Variants in MBNL2 observed in about 807,000 individuals in gnomAD.
MBNL2 encodes the protein muscleblind like splicing regulator 2, also known as muscleblind-like protein 2.
A neutral mutation model predicts 41.9 loss-of-function variants in MBNL2; 17 were observed. That is an observed-to-expected ratio of 0.41 (90% CI 0.28 to 0.61). The LOEUF (loss-of-function observed/expected upper bound fraction) is 0.61. Among genes scored for constraint, MBNL2 ranks in the 20% least tolerant of loss-of-function variants. MBNL2 has a pLI of 0.35. For synonymous variants in MBNL2, 195 were observed against 182.9 expected (o/e 1.07, Z -0.53); for missense variants, 336 against 505.6 (o/e 0.66, Z 3.22).
chr13:97,178,625 A>G, the MBNL2 span, among the ~76,000 whole-genome samples: 2 of 152,180 alleles, frequency 1.3e-5, no homozygotes, highest in Non-Finnish European at 2.9e-5. Context: ...GCCAGGCACA[A>G]TAGCTCACAC....
At chr13:97,252,307 T>A (rs760994681) in intron 1 of MBNL2, among the ~76,000 whole-genome samples, 1 of 152,212 alleles carries the variant, frequency 6.6e-6, no homozygotes, top group Non-Finnish European at 1.5e-5. Flanking sequence ...TCCCATAAAT[T>A]GTGATTCTTT....
At chr13:97,315,316 A>T (rs1254323582) in intron 2 of MBNL2, among the ~76,000 whole-genome samples, 3 of 152,228 alleles carry the variant, frequency 2.0e-5, no homozygotes, top group African/African-American at 7.2e-5. Context: ...TGGCTTTTGA[A>T]ATCTGTGTCT....
At chr13:97,358,350 C>T (rs1566439422) in intron 7 of MBNL2, among the ~76,000 whole-genome samples, 1 of 152,042 alleles carries the variant, frequency 6.6e-6, no homozygotes. Context: ...TTCCAAGGTG[C>T]CACAACTAAT....
At chr13:97,331,533 G>A (rs1033907884) in intron 2 of MBNL2, among the ~76,000 whole-genome samples, 3 of 152,110 alleles carry the variant, frequency 2.0e-5, no homozygotes, top group African/African-American at 7.2e-5. Flanking sequence ...TATCCTCCCT[G>A]GATTTTAACT....
chr13:97,281,271 C>A (rs146550546), intron 2 of MBNL2, among the ~76,000 whole-genome samples: 2 of 152,124 alleles, frequency 1.3e-5, no homozygotes, highest in African/African-American at 4.8e-5. Context: ...ATTGACACCC[C>A]CTGGAGTTGT....
chr13:97,159,524 G>A, the MBNL2 span, among the ~76,000 whole-genome samples: 15,396 of 152,064 alleles, frequency 0.1, 869 homozygotes, highest in South Asian at 0.15. Context: ...TGATTTTGCA[G>A]TGGCTGGTAC....
intron 2 of MBNL2, among the ~76,000 whole-genome samples, chr13:97,278,057 C>T (rs1438897768): frequency 6.6e-6 from 1 of 151,730 alleles, no homozygotes; most frequent in African/African-American, 2.4e-5. Context: ...GGTTTGAGAC[C>T]AGCCTGGCCA....
At chr13:97,160,379 G>A in the MBNL2 span, among the ~76,000 whole-genome samples, 2 of 152,154 alleles carry the variant, frequency 1.3e-5, no homozygotes, top group Non-Finnish European at 2.9e-5. Flanking sequence ...TTTGCTGCAA[G>A]TTAAGTATAA....
the MBNL2 span, among the ~76,000 whole-genome samples, chr13:97,167,219 C>A: frequency 6.6e-6 from 1 of 151,932 alleles, no homozygotes; most frequent in Non-Finnish European, 1.5e-5. Context: ...AGGCCAAAAC[C>A]AAAATAGCAA....
chr13:97,271,936 T>C (rs570017780), intron 1 of MBNL2, among the ~76,000 whole-genome samples: 35 of 152,354 alleles, frequency 2.3e-4, no homozygotes, highest in South Asian at 2.1e-3. Flanking sequence ...TGGGTATATA[T>C]ACCCAGTAAT....
At chr13:97,253,713 T>C (rs943385037) in intron 1 of MBNL2, among the ~76,000 whole-genome samples, 1 of 152,110 alleles carries the variant, frequency 6.6e-6, no homozygotes, top group African/African-American at 2.4e-5. Flanking sequence ...AAAATAGCAA[T>C]ACACAAAACT....
chr13:97,318,572 T>A (rs181759664), intron 2 of MBNL2, among the ~76,000 whole-genome samples: 276 of 152,338 alleles, frequency 1.8e-3, no homozygotes, highest in Non-Finnish European at 3.4e-3. Flanking sequence ...ATTATTACCA[T>A]CTATGTAATT....
At chr13:97,235,061 C>A (rs914835968) in intron 1 of MBNL2, among the ~76,000 whole-genome samples, 3 of 152,160 alleles carry the variant, frequency 2.0e-5, no homozygotes, top group African/African-American at 7.2e-5. Flanking sequence ...GCAGAGCAAA[C>A]AAAGGAAGGG....
chr13:97,314,377 T>C (rs13378288), intron 2 of MBNL2, among the ~76,000 whole-genome samples: 11 of 152,182 alleles, frequency 7.2e-5, no homozygotes, highest in Non-Finnish European at 1.2e-4. Flanking sequence ...GTTCTGTTTT[T>C]CTCTCTAGCA....
intron 1 of MBNL2, among the ~76,000 whole-genome samples, chr13:97,249,450 T>C (rs969994611): frequency 6.6e-6 from 1 of 152,254 alleles, no homozygotes; most frequent in Admixed American, 6.5e-5. Flanking sequence ...AGGAAAAATA[T>C]ATAACATTTA....
chr13:97,221,848 C>T (rs1474357822), upstream of MBNL2, among the ~76,000 whole-genome samples: 1 of 152,116 alleles, frequency 6.6e-6, no homozygotes, highest in Non-Finnish European at 1.5e-5. Flanking sequence ...CATTCTTCCT[C>T]AATAATGGAA....
At chr13:97,291,899 T>TAAAAAAAA in intron 2 of MBNL2, among the ~76,000 whole-genome samples, 1 of 2,720 alleles carries the variant, frequency 3.7e-4, no homozygotes, top group Non-Finnish European at 5.5e-4. Context: ...CGTCTCCGTC[T>TAAAAAAAA]CAAAAAAAAA....
chr13:97,264,119 G>C (rs73555785), intron 1 of MBNL2, among the ~76,000 whole-genome samples: 4 of 150,206 alleles, frequency 2.7e-5, no homozygotes, highest in African/African-American at 9.8e-5. Context: ...GCTGGGGCTC[G>C]GGACCTCATG....
chr13:97,285,469 T>G (rs956219504), intron 2 of MBNL2, among the ~76,000 whole-genome samples: 1 of 152,238 alleles, frequency 6.6e-6, no homozygotes, highest in Non-Finnish European at 1.5e-5. Flanking sequence ...CACTCAGCAA[T>G]AGACAGCTGT....
Sources: allele counts gnomAD v4.1 joint callset (sites outside exome capture counted in the v4.1 genomes callset), GRCh38; gene constraint gnomAD v4.1.1; transcripts MANE v1.5; gene names NCBI Gene and HGNC (gene_info 2026-07-23, HGNC 2026-07-21).